The following SH3GL2 variants were observed in gnomAD, a reference collection of about 807,000 sequenced individuals.
The protein encoded by SH3GL2 is SH3 domain containing GRB2 like 2, endophilin A1.
Under a neutral mutation model 46.0 loss-of-function variants are expected in SH3GL2, and 24 were observed. The ratio of observed to expected loss-of-function variants is 0.52; its 90% CI spans 0.38 to 0.73. The LOEUF is 0.73. Ranked by LOEUF, SH3GL2 falls within the 30% of genes least tolerant of loss-of-function variation. SH3GL2 has a pLI of 0.00. For missense variants in SH3GL2, 413 were observed against 424.2 expected (o/e 0.97, Z 0.23); for synonymous variants, 196 against 147.1 (o/e 1.33, Z -2.40).
intron 1 of SH3GL2, among the ~76,000 whole-genome samples, chr9:17,656,556 CT>C (rs1820082192): frequency 6.6e-6 from 1 of 151,658 alleles, no homozygotes; most frequent in Non-Finnish European, 1.5e-5. Flanking sequence ...AAGTATATGC[CT>C]GTGATTGGTA....
At chr9:17,773,347 G>T (rs1823545900) in intron 3 of SH3GL2, among the ~76,000 whole-genome samples, 1 of 151,816 alleles carries the variant, frequency 6.6e-6, no homozygotes, top group Non-Finnish European at 1.5e-5. Flanking sequence ...TTTTGTTGTT[G>T]CATATGCCTT....
chr9:17,736,271 T>A (rs544265779), intron 1 of SH3GL2, among the ~76,000 whole-genome samples: 3 of 152,128 alleles, frequency 2.0e-5, no homozygotes, highest in Non-Finnish European at 2.9e-5. Context: ...ATCATAGAAT[T>A]TCTAGAGATA....
At chr9:17,731,964 G>A (rs974349805) in intron 1 of SH3GL2, among the ~76,000 whole-genome samples, 4 of 152,124 alleles carry the variant, frequency 2.6e-5, no homozygotes, top group Non-Finnish European at 5.9e-5. Flanking sequence ...GAAATTAGAA[G>A]GTAGTCAGGT....
intron 1 of SH3GL2, among the ~76,000 whole-genome samples, chr9:17,674,423 T>G (rs1327662040): frequency 1.3e-5 from 2 of 152,078 alleles, no homozygotes; most frequent in Non-Finnish European, 1.5e-5. Context: ...TGGCCCACCA[T>G]GCCTGGCTAA....
chr9:17,652,153 A>G (rs1819973123), intron 1 of SH3GL2, among the ~76,000 whole-genome samples: 1 of 152,074 alleles, frequency 6.6e-6, no homozygotes, highest in Admixed American at 6.5e-5. Context: ...TTATCAGCTA[A>G]TTGTAAATCA....
intron 1 of SH3GL2, among the ~76,000 whole-genome samples, chr9:17,631,710 C>T (rs1402307019): frequency 2.0e-5 from 3 of 152,110 alleles, no homozygotes; most frequent in Non-Finnish European, 2.9e-5. Flanking sequence ...CTTTATTCTC[C>T]CCACATCCCA....
At chr9:17,584,760 T>G (rs982281436) in intron 1 of SH3GL2, among the ~76,000 whole-genome samples, 26 of 152,144 alleles carry the variant, frequency 1.7e-4, no homozygotes, top group Non-Finnish European at 3.7e-4. Flanking sequence ...GTTAATGCGC[T>G]TGAAGTCAAC....
At chr9:17,774,113 A>T (rs1020757007) in intron 3 of SH3GL2, among the ~76,000 whole-genome samples, 3 of 152,096 alleles carry the variant, frequency 2.0e-5, no homozygotes, top group African/African-American at 7.2e-5. Flanking sequence ...TTGTCAGTGT[A>T]TAGAAATGCA....
intron 1 of SH3GL2, among the ~76,000 whole-genome samples, chr9:17,736,433 C>T (rs1027380156): frequency 6.6e-6 from 1 of 151,962 alleles, no homozygotes; most frequent in African/African-American, 2.4e-5. Context: ...TCTTGCATGC[C>T]CCCTGGTTGT....
chr9:17,601,171 C>T (rs1218088388), intron 1 of SH3GL2, among the ~76,000 whole-genome samples: 2 of 152,164 alleles, frequency 1.3e-5, no homozygotes, highest in Non-Finnish European at 2.9e-5. Context: ...TGTGCCTGAC[C>T]TGCACATGGT....
At chr9:17,768,731 C>T (rs562690673) in intron 3 of SH3GL2, among the ~76,000 whole-genome samples, 1 of 152,296 alleles carries the variant, frequency 6.6e-6, no homozygotes, top group African/African-American at 2.4e-5. Flanking sequence ...GTCTTCTCAC[C>T]ATCCCTCCTG....
intron 1 of SH3GL2, among the ~76,000 whole-genome samples, chr9:17,633,687 G>C (rs1268323053): frequency 6.6e-6 from 1 of 152,174 alleles, no homozygotes; most frequent in Non-Finnish European, 1.5e-5. Context: ...AAGAGGATTT[G>C]ACAGTCTTCT....
intron 1 of SH3GL2, among the ~76,000 whole-genome samples, chr9:17,623,042 T>TTTCCC: frequency 1.4e-5 from 1 of 71,358 alleles, no homozygotes; most frequent in Non-Finnish European, 2.8e-5. Context: ...TTTCCTTTCC[T>TTTCCC]TCCCCTTCCC....
chr9:17,585,905 C>G (rs1335566557), intron 1 of SH3GL2, among the ~76,000 whole-genome samples: 4 of 152,064 alleles, frequency 2.6e-5, no homozygotes, highest in African/African-American at 9.7e-5. Context: ...GTAGTACAAC[C>G]CTTCTCAGTG....
Position 17,789,461 on chromosome 9 carries a change from C to G in SH3GL2, c.535C>G (p.Pro179Ala), listed in dbSNP as rs1824058943. ...DYKKKRQGKI[P>A]DEELRQALEK... Reference sequence around the variant, plus strand: ...TAAGAAGAAACGACAAGGCAAGATTCCGGATGAAGAGCTTCGTCAAGCTCT... The same window carrying G: ...TAAGAAGAAACGACAAGGCAAGATTGCGGATGAAGAGCTTCGTCAAGCTCT... The change falls in exon 6 of 9, where the codon CCG becomes GCG. Residue 179 changes from proline to alanine, a missense_variant. Coordinates refer to ENST00000380607, the MANE Select transcript of SH3GL2 (RefSeq NM_003026.5). The G allele has an allele frequency of 1.2e-6, 2 of 1,613,312 alleles. No individual in the cohort carries two copies. Among genetic ancestry groups the G allele is most frequent in the Non-Finnish European group, 1.7e-6 (2 of 1,179,558 alleles).
intron 2 of SH3GL2, among the ~76,000 whole-genome samples, chr9:17,758,235 T>C (rs1163451802): frequency 6.6e-6 from 1 of 152,076 alleles, no homozygotes; most frequent in Non-Finnish European, 1.5e-5. Flanking sequence ...CTTCCTCTTA[T>C]GTCCATGAAG....
At chr9:17,779,532 A>G (rs1486428364) in intron 3 of SH3GL2, among the ~76,000 whole-genome samples, 1 of 152,164 alleles carries the variant, frequency 6.6e-6, no homozygotes, top group Non-Finnish European at 1.5e-5. Context: ...AAATAGGAGT[A>G]ATTGAACCAA....
intron 1 of SH3GL2, among the ~76,000 whole-genome samples, chr9:17,696,641 AACTC>A (rs1397098966): frequency 6.6e-6 from 1 of 152,130 alleles, no homozygotes; most frequent in Non-Finnish European, 1.5e-5. Flanking sequence ...ATCTCATGAA[AACTC>A]ACTCACTATA....
At chr9:17,779,192 G>A (rs977510579) in intron 3 of SH3GL2, among the ~76,000 whole-genome samples, 4 of 152,154 alleles carry the variant, frequency 2.6e-5, no homozygotes, top group African/African-American at 9.6e-5. Flanking sequence ...CCACTGGATA[G>A]TCCAAATCAT....
Sources: gnomAD v4.1 joint callset for allele counts (sites outside exome capture counted in the v4.1 genomes callset) on GRCh38, gnomAD v4.1.1 for gene constraint, MANE v1.5 for transcripts, NCBI Gene and HGNC (gene_info 2026-07-23, HGNC 2026-07-21) for gene names.